The following AFG2A variants were observed in gnomAD, a reference collection of about 807,000 sequenced individuals.
AFG2A encodes AAA ATPase AFG2A.
chr4:122,938,920 ATGAG>A, the AFG2A span, among the ~76,000 whole-genome samples: 2 of 151,970 alleles, frequency 1.3e-5, no homozygotes, highest in African/African-American at 4.8e-5. Flanking sequence ...AAGAAATGTC[ATGAG>A]TAAGTCTTAT....
At chr4:123,011,254 C>T in the AFG2A span, among the ~76,000 whole-genome samples, 4 of 152,222 alleles carry the variant, frequency 2.6e-5, no homozygotes, top group African/African-American at 9.6e-5. Context: ...GTCTTTGCCT[C>T]GCATTTAATA....
the AFG2A span, among the ~76,000 whole-genome samples, chr4:123,260,765 C>G: frequency 6.6e-6 from 1 of 152,166 alleles, no homozygotes; most frequent in African/African-American, 2.4e-5. Flanking sequence ...GTCTTAAGCG[C>G]TCTACTTATT....
the AFG2A span, among the ~76,000 whole-genome samples, chr4:123,110,902 ATGTCATT>A: frequency 6.6e-6 from 1 of 152,210 alleles, no homozygotes; most frequent in Non-Finnish European, 1.5e-5. Flanking sequence ...ATCCCGTAGC[ATGTCATT>A]TTTCTCCAGT....
At chr4:123,159,705 G>A in the AFG2A span, among the ~76,000 whole-genome samples, 2 of 152,078 alleles carry the variant, frequency 1.3e-5, no homozygotes, top group East Asian at 1.9e-4. Context: ...ACCTAGGACC[G>A]GGAGGTGCAG....
At chr4:123,168,457 T>C in the AFG2A span, among the ~76,000 whole-genome samples, 1 of 152,124 alleles carries the variant, frequency 6.6e-6, no homozygotes, top group African/African-American at 2.4e-5. Context: ...ATATAATTTT[T>C]TATGTTTGCA....
chr4:123,117,805 C>T, the AFG2A span, among the ~76,000 whole-genome samples: 1 of 151,242 alleles, frequency 6.6e-6, no homozygotes, highest in Non-Finnish European at 1.5e-5. Flanking sequence ...TTGGTGGAGA[C>T]AGATGAGATC....
the AFG2A span, among the ~76,000 whole-genome samples, chr4:123,161,492 T>C: frequency 4.6e-5 from 7 of 152,088 alleles, no homozygotes; most frequent in Admixed American, 4.6e-4. Context: ...TTATTCCATA[T>C]GGAAATAATA....
At chr4:123,077,046 G>GTT in the AFG2A span, among the ~76,000 whole-genome samples, 9 of 108,560 alleles carry the variant, frequency 8.3e-5, no homozygotes, top group African/African-American at 1.2e-4. Context: ...TCCTGTTGTT[G>GTT]TTTTTTTTTT....
At chr4:122,995,899 G>A in the AFG2A span, among the ~76,000 whole-genome samples, 2 of 152,214 alleles carry the variant, frequency 1.3e-5, no homozygotes, top group Non-Finnish European at 2.9e-5. Flanking sequence ...GTACCCACTA[G>A]TAGGGTTAAC....
the AFG2A span, among the ~76,000 whole-genome samples, chr4:123,290,772 T>A: frequency 3.3e-5 from 5 of 152,124 alleles, no homozygotes; most frequent in Non-Finnish European, 4.4e-5. Context: ...CCCACCCCCA[T>A]AATTCAATCA....
At chr4:122,962,357 C>T in the AFG2A span, among the ~76,000 whole-genome samples, 2 of 151,920 alleles carry the variant, frequency 1.3e-5, no homozygotes, top group African/African-American at 4.8e-5. Context: ...GAATTTTCTC[C>T]TCTGTTTTAT....
At chr4:122,977,450 A>G in the AFG2A span, among the ~76,000 whole-genome samples, 2 of 152,192 alleles carry the variant, frequency 1.3e-5, no homozygotes, top group African/African-American at 4.8e-5. Flanking sequence ...CAGGCATACC[A>G]CAAGTGTTTT....
chr4:123,177,927 G>A, the AFG2A span, among the ~76,000 whole-genome samples: 1 of 152,118 alleles, frequency 6.6e-6, no homozygotes, highest in African/African-American at 2.4e-5. Flanking sequence ...TTCTGGAATG[G>A]TGTCTTGGTG....
At chr4:123,291,687 C>G in the AFG2A span, among the ~76,000 whole-genome samples, 7 of 152,164 alleles carry the variant, frequency 4.6e-5, no homozygotes, top group Non-Finnish European at 1.0e-4. Flanking sequence ...GATAGGACAC[C>G]AATCTTTTCT....
the AFG2A span, among the ~76,000 whole-genome samples, chr4:123,012,708 A>G: frequency 6.6e-6 from 1 of 152,186 alleles, no homozygotes; most frequent in African/African-American, 2.4e-5. Context: ...AAATTAAGAC[A>G]AGGGCGAGAC....
the AFG2A span, among the ~76,000 whole-genome samples, chr4:123,093,256 G>C: frequency 6.6e-6 from 1 of 152,198 alleles, no homozygotes; most frequent in South Asian, 2.1e-4. Flanking sequence ...TGCACCCAGA[G>C]TTGGCAAGGT....
chr4:123,206,326 G>A, the AFG2A span, among the ~76,000 whole-genome samples: 1 of 152,056 alleles, frequency 6.6e-6, no homozygotes, highest in African/African-American at 2.4e-5. Context: ...AGTTATGGGT[G>A]TTAAAACCAA....
chr4:123,090,607 C>T, the AFG2A span: 7 of 1,614,072 alleles, frequency 4.3e-6, no homozygotes, highest in Middle Eastern at 3.3e-4. Flanking sequence ...TGTAGCCGAT[C>T]GTGTTTTGGC....
the AFG2A span, among the ~76,000 whole-genome samples, chr4:123,004,131 C>T: frequency 6.6e-6 from 1 of 152,186 alleles, no homozygotes; most frequent in Non-Finnish European, 1.5e-5. Flanking sequence ...GATGTAATCT[C>T]CTGGTGCGCC....
Sources: allele counts gnomAD v4.1 joint callset (sites outside exome capture counted in the v4.1 genomes callset), GRCh38; gene constraint gnomAD v4.1.1; transcripts MANE v1.5; gene names NCBI Gene and HGNC (gene_info 2026-07-23, HGNC 2026-07-21).